The following NAV3 variants were observed in gnomAD, a reference collection of about 807,000 sequenced individuals.
NAV3 encodes the protein pore membrane and/or filament interacting like protein 1.
NAV3 carries 87 observed loss-of-function variants against 244.7 expected under a neutral mutation model. That is an observed-to-expected ratio of 0.36 (90% CI 0.30 to 0.42). The LOEUF (loss-of-function observed/expected upper bound fraction) is 0.42, where lower values mean the gene tolerates loss of function less well. Among genes scored for constraint, NAV3 ranks in the 20% least tolerant of loss-of-function variants. The pLI is 1.00. For synonymous variants in NAV3, 1,126 were observed against 1,042.2 expected (o/e 1.08, Z -1.55); for missense variants, 2,663 against 2,893.3 (o/e 0.92, Z 1.83).
intron 11 of NAV3, among the ~76,000 whole-genome samples, chr12:78,057,874 T>C (rs1883745693): frequency 6.6e-6 from 1 of 152,214 alleles, no homozygotes; most frequent in South Asian, 2.1e-4. Context: ...CATGTCTACA[T>C]GTAAGGGTTT....
intron 9 of NAV3, among the ~76,000 whole-genome samples, chr12:78,031,369 A>G (rs552515320): frequency 2.0e-4 from 31 of 152,166 alleles, no homozygotes; most frequent in Admixed American, 1.5e-3. Context: ...CATGTGATCT[A>G]ACTGAAATTG....
At chr12:77,863,248 G>C (rs571858478) in intron 1 of NAV3, among the ~76,000 whole-genome samples, 5 of 151,822 alleles carry the variant, frequency 3.3e-5, no homozygotes, top group Admixed American at 3.3e-4. Flanking sequence ...ATACATATTT[G>C]TATGAAAAGG....
Position 78,197,415 on chromosome 12 carries a change from A to G in NAV3, c.6446+14A>G, listed in dbSNP as rs750444164. Reference sequence around the variant, plus strand: ...ATACAACAAATGGTATGCTTATCAAATATTCTGAATAATGAAATATGAAAT... The same window carrying G: ...ATACAACAAATGGTATGCTTATCAAGTATTCTGAATAATGAAATATGAAAT... On this transcript the variant is annotated intron_variant, in intron 35 of 39. Coordinates refer to ENST00000397909, the MANE Select transcript of NAV3 (RefSeq NM_001024383.2). 3 of 1,556,848 alleles carry G rather than the reference A, an allele frequency of 1.9e-6. No individual in the cohort carries two copies. In the African/African-American group the frequency reaches 4.1e-5, roughly 21 times the overall value.
chr12:78,177,184 C>A lies in NAV3; in HGVS notation c.5168C>A (p.Thr1723Asn), dbSNP rs748963715. 33 of 1,613,350 alleles carry A rather than the reference C, an allele frequency of 2.0e-5. No individual in the cohort carries two copies. Among genetic ancestry groups the A allele is most frequent in the Non-Finnish European group, 2.4e-5 (28 of 1,179,618 alleles). Residue 1723 changes from threonine (T) to asparagine (N), a missense_variant, in exon 27 of 40, where the codon ACC (threonine) becomes AAC (asparagine). Physicochemically the swap from Thr to Asn is moderately conservative, Grantham distance 65 (BLOSUM62 0). Coordinates refer to ENST00000397909, the MANE Select transcript of NAV3 (RefSeq NM_001024383.2). ...CAAGCCTTTGGGAAGAAAAAGTCCA[C>A]CAAGCCTCCTTCATCACATTCTGAC... ...FKQAFGKKKS[T>N]KPPSSHSDIE...
At chr12:78,120,054 A>G in intron 15 of NAV3, 109 bp downstream of exon 15, 1 of 526,074 alleles carries the variant, frequency 1.9e-6, no homozygotes, top group South Asian at 5.9e-5. Context: ...TGTATAAGGT[A>G]TATATATATC....
intron 24 of NAV3, among the ~76,000 whole-genome samples, chr12:78,169,096 T>A (rs1265992685): frequency 6.6e-6 from 1 of 151,756 alleles, no homozygotes; most frequent in Non-Finnish European, 1.5e-5. Flanking sequence ...AGATAATTTT[T>A]AAACTGATCT....
intron 3 of NAV3, among the ~76,000 whole-genome samples, chr12:77,963,678 A>G (rs1435203233): frequency 6.6e-6 from 1 of 152,194 alleles, no homozygotes; most frequent in African/African-American, 2.4e-5. Context: ...TACTCAGGCA[A>G]TAATGGGGAA....
At chr12:77,755,912 A>G (rs1732152781) in intron 2 of NAV3, among the ~76,000 whole-genome samples, 1 of 151,874 alleles carries the variant, frequency 6.6e-6, no homozygotes. Context: ...ATTTTAAGAA[A>G]TATTTGAAGA....
chr12:78,028,961 G>T (rs1028793854), intron 9 of NAV3, among the ~76,000 whole-genome samples: 2 of 152,080 alleles, frequency 1.3e-5, no homozygotes, highest in African/African-American at 4.8e-5. Context: ...GTGAACAGAG[G>T]TATATGTGTG....
chr12:77,972,255 G>C (rs1893059888), intron 5 of NAV3, among the ~76,000 whole-genome samples: 1 of 152,108 alleles, frequency 6.6e-6, no homozygotes, highest in Admixed American at 6.6e-5. Context: ...TAATTATTAA[G>C]AGTTTACCTC....
At chr12:78,203,278 A>T (rs1296231308) in intron 38 of NAV3, among the ~76,000 whole-genome samples, 1 of 152,088 alleles carries the variant, frequency 6.6e-6, no homozygotes, top group Non-Finnish European at 1.5e-5. Context: ...AAAAACCTAG[A>T]ATTAATTGAT....
chr12:78,178,208 C>T (rs529137433), intron 28 of NAV3, among the ~76,000 whole-genome samples: 33 of 148,306 alleles, frequency 2.2e-4, no homozygotes, highest in African/African-American at 7.5e-4. Flanking sequence ...CACCCAAGCT[C>T]GAGTGCGATG....
chr12:77,839,192 T>C (rs888935584), intron 1 of NAV3, among the ~76,000 whole-genome samples: 1 of 152,242 alleles, frequency 6.6e-6, no homozygotes, highest in African/African-American at 2.4e-5. Flanking sequence ...AGTGGCATCC[T>C]TTGTATTTGA....
chr12:77,957,380 T>C lies in NAV3; in HGVS notation c.415-8849T>C, dbSNP rs908610707. Reference sequence around the variant, plus strand: ...ATGGTTTAGATTTAATCACAAACTATAAGGAGGTTATTAATCATATCTTGG... The same window carrying C: ...ATGGTTTAGATTTAATCACAAACTACAAGGAGGTTATTAATCATATCTTGG... On this transcript the variant is annotated intron_variant, in intron 3 of 39. Transcript: ENST00000397909. 6.6e-5 allele frequency among the ~76,000 whole-genome samples: 10 copies of C among 152,338 alleles called. 1 individual carries two copies. Among genetic ancestry groups the C allele is most frequent in the Admixed American group, 3.3e-4 (5 of 15,296 alleles).
intron 2 of NAV3, among the ~76,000 whole-genome samples, chr12:77,821,179 G>A (rs1872730875): frequency 6.6e-6 from 1 of 151,862 alleles, no homozygotes; most frequent in East Asian, 1.9e-4. Flanking sequence ...ACAAATTTTT[G>A]AAGCTATTGA....
Position 77,831,495 on chromosome 12 carries a change from C to T in NAV3, c.34C>T (p.Gln12Ter), listed in dbSNP as rs2136074665. The change falls in exon 1 of 40, where the codon CAG becomes TAG. Residue 12 changes from glutamine to a stop codon, truncating the protein, a stop_gained. Coordinates refer to ENST00000397909, the MANE Select transcript of NAV3 (RefSeq NM_001024383.2). LOFTEE classifies it high-confidence loss of function. ...PVLGVASKLRQPAVGSKPVHT... is the reference protein window; with the variant it reads ...PVLGVASKLR ...TCTTGGGGTTGCCTCAAAACTGAGGCAGCCAGCTGTTGGGTCAAAGCCTGT... is the reference window on the plus strand; with the variant it reads ...TCTTGGGGTTGCCTCAAAACTGAGGTAGCCAGCTGTTGGGTCAAAGCCTGT... The T allele has an allele frequency of 1.2e-6, 2 of 1,610,290 alleles. No homozygotes were observed. Among genetic ancestry groups the T allele is most frequent in the Non-Finnish European group, 1.7e-6 (2 of 1,178,974 alleles).
At chr12:77,758,285 T>C (rs1915336) in intron 2 of NAV3, among the ~76,000 whole-genome samples, 70,957 of 151,938 alleles carry the variant, frequency 0.47, 16,687 homozygotes, top group Middle Eastern at 0.51. Flanking sequence ...TACTGATTTA[T>C]GCATTGTCTT....
intron 2 of NAV3, among the ~76,000 whole-genome samples, chr12:77,672,801 T>G (rs1874043864): frequency 6.6e-6 from 1 of 151,874 alleles, no homozygotes; most frequent in Admixed American, 6.6e-5. Flanking sequence ...CCCTAAAAAC[T>G]TATTGAAATA....
chr12:77,703,112 C>T (rs1481315131), intron 2 of NAV3, among the ~76,000 whole-genome samples: 1 of 151,916 alleles, frequency 6.6e-6, no homozygotes. Flanking sequence ...TAAATCTGTC[C>T]TGCTCCACCA....
Sources: allele counts gnomAD v4.1 joint callset (sites outside exome capture counted in the v4.1 genomes callset), GRCh38; gene constraint gnomAD v4.1.1; transcripts MANE v1.5; gene names NCBI Gene and HGNC (gene_info 2026-07-23, HGNC 2026-07-21).